Variants in FOXO1 observed in about 807,000 individuals in gnomAD.
FOXO1 encodes forkhead box protein O1.
Under a neutral mutation model 44.1 loss-of-function variants are expected in FOXO1, and 6 were observed. That is an observed-to-expected ratio of 0.14 (90% CI 0.07 to 0.27). The LOEUF is 0.27. Ranked by LOEUF, FOXO1 falls within the 10% of genes least tolerant of loss-of-function variation. FOXO1 has a pLI of 1.00. For missense variants in FOXO1, 737 were observed against 888.8 expected, an observed-to-expected ratio of 0.83 and a Z score of 2.17; for synonymous variants, 380 against 362.7, an observed-to-expected ratio of 1.05 and a Z score of -0.54.
chr13:40,582,543 C>T (rs967106682), intron 1 of FOXO1, among the ~76,000 whole-genome samples: 2 of 152,202 alleles, frequency 1.3e-5, no homozygotes, highest in Non-Finnish European at 2.9e-5. Context: ...ACCCTGCCAC[C>T]GCTTTATGTA....
chr13:40,605,391 A>T (rs1875958339), intron 1 of FOXO1, among the ~76,000 whole-genome samples: 1 of 152,200 alleles, frequency 6.6e-6, no homozygotes, highest in South Asian at 2.1e-4. Flanking sequence ...GTTGGTGCTT[A>T]AAACTTTAAC....
intron 1 of FOXO1, among the ~76,000 whole-genome samples, chr13:40,646,889 C>A (rs565229831): frequency 6.6e-6 from 1 of 152,126 alleles, no homozygotes; most frequent in Non-Finnish European, 1.5e-5. Flanking sequence ...CCACCGCGCC[C>A]GGCCTGAACT....
intron 1 of FOXO1, among the ~76,000 whole-genome samples, chr13:40,599,190 C>T (rs1875719461): frequency 7.1e-6 from 1 of 141,096 alleles, no homozygotes; most frequent in Admixed American, 7.0e-5. Context: ...CAAAACATGG[C>T]AATAAAAGTC....
intron 1 of FOXO1, among the ~76,000 whole-genome samples, chr13:40,641,904 T>C (rs73467087): frequency 6.4e-4 from 98 of 152,272 alleles, no homozygotes; most frequent in African/African-American, 2.3e-3. Flanking sequence ...GAGGACCACT[T>C]GAACCTAGGA....
At chr13:40,606,560 G>A (rs935569704) in intron 1 of FOXO1, among the ~76,000 whole-genome samples, 2 of 152,082 alleles carry the variant, frequency 1.3e-5, no homozygotes, top group East Asian at 1.9e-4. Context: ...TGATCCGCCC[G>A]CCTCGGCCTC....
chr13:40,559,882 G>A lies in FOXO1; in HGVS notation c.1609C>T (p.Arg537Cys), dbSNP rs146488369. The A allele has an allele frequency of 6.5e-5, 105 of 1,614,004 alleles. No individual in the cohort carries two copies. Among genetic ancestry groups the A allele is most frequent in the African/African-American group, 3.5e-4 (26 of 74,922 alleles). Residue 537 changes from arginine to cysteine, a missense_variant, in exon 2 of 3, where the codon CGT becomes TGT. Arg to Cys is a radical substitution (Grantham distance 180, BLOSUM62 -3). Transcript: ENST00000379561. Reference protein sequence around the residue: ...HAQQTSAVNGRPLPHTVSTMP... With the variant: ...HAQQTSAVNGCPLPHTVSTMP... Reference sequence around the variant, plus strand: ...GTGCTTACCGTGTGGGGCAGGGGACGCCCGTTAACTGCAGATGTCTGCTGA... The same window carrying A: ...GTGCTTACCGTGTGGGGCAGGGGACACCCGTTAACTGCAGATGTCTGCTGA...
intron 1 of FOXO1, among the ~76,000 whole-genome samples, chr13:40,650,273 T>TTTA (rs1877637006): frequency 6.6e-6 from 1 of 152,152 alleles, no homozygotes; most frequent in African/African-American, 2.4e-5. Flanking sequence ...TTTGGTGGGT[T>TTTA]TTAGCTGGCT....
At chr13:40,633,220 C>T (rs1420578348) in intron 1 of FOXO1, among the ~76,000 whole-genome samples, 1 of 152,222 alleles carries the variant, frequency 6.6e-6, no homozygotes, top group Non-Finnish European at 1.5e-5. Context: ...GTCGAACAAA[C>T]AGTTCTTATG....
chr13:40,582,382 C>A (rs571834181), intron 1 of FOXO1, among the ~76,000 whole-genome samples: 7 of 152,192 alleles, frequency 4.6e-5, no homozygotes, highest in Non-Finnish European at 8.8e-5. Flanking sequence ...AAGCTGGGAT[C>A]GCTTTGGTAA....
intron 1 of FOXO1, among the ~76,000 whole-genome samples, chr13:40,658,415 G>A (rs1457711012): frequency 1.3e-5 from 2 of 152,094 alleles, no homozygotes; most frequent in Non-Finnish European, 2.9e-5. Context: ...AACCCAACTG[G>A]GGACCTTGAA....
intron 1 of FOXO1, among the ~76,000 whole-genome samples, chr13:40,603,475 C>CAT (rs1320579013): frequency 6.6e-6 from 1 of 150,802 alleles, no homozygotes; most frequent in Non-Finnish European, 1.5e-5. Flanking sequence ...TGTGTGTGTA[C>CAT]ATATATATGT....
At chr13:40,645,142 C>T (rs920274906) in intron 1 of FOXO1, among the ~76,000 whole-genome samples, 1 of 152,142 alleles carries the variant, frequency 6.6e-6, no homozygotes, top group African/African-American at 2.4e-5. Context: ...TCCCAAAAGT[C>T]AAATATGAGT....
chr13:40,607,675 T>C (rs1876062154), intron 1 of FOXO1, among the ~76,000 whole-genome samples: 1 of 152,256 alleles, frequency 6.6e-6, no homozygotes, highest in Non-Finnish European at 1.5e-5. Context: ...TCAATGTTTT[T>C]ACTTAACCCC....
At chr13:40,636,639 A>G (rs1387128210) in intron 1 of FOXO1, among the ~76,000 whole-genome samples, 5 of 147,540 alleles carry the variant, frequency 3.4e-5, no homozygotes, top group Admixed American at 7.0e-5. Flanking sequence ...CTCCCGTCTC[A>G]GCCTCCCAAG....
chr13:40,590,544 T>C (rs1875329447), intron 1 of FOXO1, among the ~76,000 whole-genome samples: 2 of 152,232 alleles, frequency 1.3e-5, no homozygotes, highest in Non-Finnish European at 1.5e-5. Flanking sequence ...CCACAACTGC[T>C]GATATACCAA....
intron 1 of FOXO1, among the ~76,000 whole-genome samples, chr13:40,635,595 C>A (rs931433323): frequency 6.6e-6 from 1 of 152,212 alleles, no homozygotes; most frequent in Non-Finnish European, 1.5e-5. Context: ...AAAATATTTT[C>A]ATTACCACGA....
At chr13:40,651,648 A>T (rs1877691780) in intron 1 of FOXO1, among the ~76,000 whole-genome samples, 1 of 151,880 alleles carries the variant, frequency 6.6e-6, no homozygotes, top group South Asian at 2.1e-4. Flanking sequence ...ATACAAATAC[A>T]TGACATACAA....
chr13:40,556,958 T>C lies in FOXO1; in HGVS notation c.*2091A>G, dbSNP rs1566059419. Reference sequence around the variant, plus strand: ...AGGCTGTGCTTAGAGGAACTTGGGTTTCTAAAACCAGCTATGTCTTGGACT... The same window carrying C: ...AGGCTGTGCTTAGAGGAACTTGGGTCTCTAAAACCAGCTATGTCTTGGACT... On this transcript the variant is annotated 3_prime_UTR_variant, in exon 3 of 3. Transcript: ENST00000379561. 2 of 152,176 alleles carry C rather than the reference T, an allele frequency of 1.3e-5. No individual in the cohort carries two copies. Among genetic ancestry groups the C allele is most frequent in the Non-Finnish European group, 2.9e-5 (2 of 68,020 alleles). The allele number at this position is 152,176 out of a possible 1,614,324, so 9.4% of individuals were successfully genotyped here. A position where few individuals can be genotyped will look rare whatever the true frequency, so the allele number is the denominator to read the frequency against.
At chr13:40,584,503 C>CG (rs1875080720) in intron 1 of FOXO1, among the ~76,000 whole-genome samples, 1 of 93,128 alleles carries the variant, frequency 1.1e-5, no homozygotes, top group African/African-American at 3.8e-5. Flanking sequence ...AAAAAAAAAG[C>CG]CAGATGCAGT....
Sources: allele counts gnomAD v4.1 joint callset (sites outside exome capture counted in the v4.1 genomes callset), GRCh38; gene constraint gnomAD v4.1.1; transcripts MANE v1.5; gene names NCBI Gene and HGNC (gene_info 2026-07-23, HGNC 2026-07-21).